PCTP: variants seen among roughly 807,000 people sequenced by gnomAD.
PCTP encodes the protein START domain-containing protein 2.
PCTP carries 27 observed loss-of-function variants against 31.0 expected under a neutral mutation model. The observed-to-expected ratio is 0.87, with a 90% CI of 0.64 to 1.20. The LOEUF (loss-of-function observed/expected upper bound fraction) is 1.20, where lower values mean the gene tolerates loss of function less well. Ranked by LOEUF, PCTP falls within the 50% of genes most tolerant of loss-of-function variation. PCTP has a pLI of 0.00. For missense variants in PCTP, 287 were observed against 268.2 expected (o/e 1.07, Z -0.49); for synonymous variants, 108 against 101.2 (o/e 1.07, Z -0.40).
chr17:55,763,259 A>T (rs188026363), intron 1 of PCTP, among the ~76,000 whole-genome samples: 2 of 152,220 alleles, frequency 1.3e-5, no homozygotes, highest in African/African-American at 4.8e-5. Flanking sequence ...TTGCTTTTTC[A>T]TATCAAATTG....
At chr17:55,829,603 C>T (rs1905526910) in intron 5 of PCTP, among the ~76,000 whole-genome samples, 1 of 152,090 alleles carries the variant, frequency 6.6e-6, no homozygotes, top group Admixed American at 6.6e-5. Flanking sequence ...AGCCACTATT[C>T]CCAGCCTAAA....
chr17:55,810,502 C>T (rs551616594), intron 3 of PCTP, among the ~76,000 whole-genome samples: 4 of 152,210 alleles, frequency 2.6e-5, no homozygotes, highest in Non-Finnish European at 4.4e-5. Flanking sequence ...ATTGTCTGTG[C>T]TTCTAGGAAG....
chr17:55,761,709 C>T (rs1283123432), intron 1 of PCTP, among the ~76,000 whole-genome samples: 1 of 151,274 alleles, frequency 6.6e-6, no homozygotes, highest in East Asian at 1.9e-4. Context: ...GTCTTGTACG[C>T]ATTTGTGCAA....
chr17:55,761,313 G>T (rs1298962054), intron 1 of PCTP, among the ~76,000 whole-genome samples: 1 of 152,008 alleles, frequency 6.6e-6, no homozygotes, highest in Non-Finnish European at 1.5e-5. Context: ...AGGTCAAAGG[G>T]ATTAGAAAAC....
the PCTP span, among the ~76,000 whole-genome samples, chr17:55,850,676 G>A: frequency 1.3e-5 from 2 of 152,138 alleles, no homozygotes; most frequent in East Asian, 1.9e-4. Flanking sequence ...TCTATGGCAC[G>A]TAGGTTTCAG....
intron 5 of PCTP, among the ~76,000 whole-genome samples, chr17:55,837,205 C>T (rs1905805776): frequency 1.3e-5 from 2 of 152,064 alleles, no homozygotes; most frequent in South Asian, 2.1e-4. Flanking sequence ...TCTTGTGAGC[C>T]GCATGAAGAA....
At chr17:55,757,510 GTATA>G (rs567722530) in intron 1 of PCTP, among the ~76,000 whole-genome samples, 39 of 148,506 alleles carry the variant, frequency 2.6e-4, no homozygotes, top group African/African-American at 9.3e-4. Context: ...TACTATATGT[GTATA>G]TATATACACA....
At chr17:55,796,924 G>A (rs1165195183) in intron 3 of PCTP, among the ~76,000 whole-genome samples, 2 of 151,920 alleles carry the variant, frequency 1.3e-5, no homozygotes, top group African/African-American at 4.8e-5. Flanking sequence ...AGAATGCTCT[G>A]AAATGAAGAT....
chr17:55,822,574 T>C (rs1469995599), intron 3 of PCTP, among the ~76,000 whole-genome samples: 1 of 152,144 alleles, frequency 6.6e-6, no homozygotes, highest in Non-Finnish European at 1.5e-5. Context: ...AGGATAAAAA[T>C]CAGCTCACAT....
downstream of PCTP, among the ~76,000 whole-genome samples, chr17:55,827,828 C>T (rs1271150152): frequency 6.6e-6 from 1 of 152,128 alleles, no homozygotes; most frequent in Admixed American, 6.5e-5. Flanking sequence ...TTGTAGAAAT[C>T]GGTGGGAGTC....
chr17:55,824,296 G>A (rs1397305602), downstream of PCTP, among the ~76,000 whole-genome samples: 2 of 151,776 alleles, frequency 1.3e-5, no homozygotes, highest in Middle Eastern at 3.4e-3. Context: ...ACCAATCTAA[G>A]TGTAGGTGCC....
intron 3 of PCTP, among the ~76,000 whole-genome samples, chr17:55,820,202 A>G (rs1286421946): frequency 6.6e-6 from 1 of 152,264 alleles, no homozygotes; most frequent in Non-Finnish European, 1.5e-5. Context: ...TTTGTGCTTC[A>G]AAAGAAACCA....
downstream of PCTP, among the ~76,000 whole-genome samples, chr17:55,780,337 T>A (rs1016072842): frequency 1.3e-5 from 2 of 152,186 alleles, no homozygotes; most frequent in African/African-American, 4.8e-5. Flanking sequence ...ACTTTCTAAG[T>A]TTCCTGTGTG....
chr17:55,794,512 T>G (rs1430444272), intron 3 of PCTP, among the ~76,000 whole-genome samples: 1 of 151,962 alleles, frequency 6.6e-6, no homozygotes, highest in African/African-American at 2.4e-5. Context: ...TGTATATACA[T>G]CTCTGAGTCC....
chr17:55,756,529 A>G (rs950008121), intron 1 of PCTP, among the ~76,000 whole-genome samples: 2 of 152,160 alleles, frequency 1.3e-5, no homozygotes, highest in Admixed American at 1.3e-4. Flanking sequence ...AGACAGCTTT[A>G]CAAACCATAC....
intron 5 of PCTP, chr17:55,775,684 G>C (rs2960058): frequency 9.1e-6 from 11 of 1,204,754 alleles, no homozygotes; most frequent in Non-Finnish European, 1.1e-5. Context: ...TTCTAATTCA[G>C]TAAAGCAAGT....
intron 3 of PCTP, 38 bp from the exon 4 acceptor site, chr17:55,773,686 A>G (rs762623838): frequency 1.6e-5 from 26 of 1,576,852 alleles, no homozygotes; most frequent in Admixed American, 1.7e-5. Flanking sequence ...TCTGTCTACA[A>G]TGCTGGCGTT....
At chr17:55,840,589 GAGAC>G (rs149091813) in intron 5 of PCTP, among the ~76,000 whole-genome samples, 1,702 of 152,306 alleles carry the variant, frequency 0.011, 21 homozygotes, top group African/African-American at 0.038. Flanking sequence ...GATATTTAGA[GAGAC>G]AGCGCAAGAG....
intron 2 of PCTP, among the ~76,000 whole-genome samples, chr17:55,784,319 C>T (rs1911671904): frequency 6.6e-6 from 1 of 152,142 alleles, no homozygotes; most frequent in African/African-American, 2.4e-5. Flanking sequence ...CTGTAGGAGA[C>T]CTTCCCCCAA....
Sources: gnomAD v4.1 joint callset for allele counts (sites outside exome capture counted in the v4.1 genomes callset) on GRCh38, gnomAD v4.1.1 for gene constraint, MANE v1.5 for transcripts, NCBI Gene and HGNC (gene_info 2026-07-23, HGNC 2026-07-21) for gene names.